CLSTN2: variants seen among roughly 807,000 people sequenced by gnomAD.
The protein encoded by CLSTN2 is calsyntenin 2.
CLSTN2 carries 48 observed loss-of-function variants against 101.2 expected under a neutral mutation model. The ratio of observed to expected loss-of-function variants is 0.47; its 90% CI spans 0.38 to 0.60. The LOEUF is 0.60. Among genes scored for constraint, CLSTN2 ranks in the 20% least tolerant of loss-of-function variants. CLSTN2 has a pLI of 0.00. For synonymous variants in CLSTN2, 481 were observed against 463.6 expected, an observed-to-expected ratio of 1.04 and a Z score of -0.48; for missense variants, 1,160 against 1,238.2, an observed-to-expected ratio of 0.94 and a Z score of 0.95.
intron 2 of CLSTN2, among the ~76,000 whole-genome samples, chr3:140,246,447 G>A (rs4613416): frequency 0.97 from 147,296 of 152,188 alleles, 71,453 homozygotes; most frequent in East Asian, 1. Flanking sequence ...TGAAGGAATC[G>A]GACATATGTG....
chr3:140,098,031 A>G (rs1193460020), intron 1 of CLSTN2, among the ~76,000 whole-genome samples: 1 of 152,182 alleles, frequency 6.6e-6, no homozygotes, highest in Non-Finnish European at 1.5e-5. Flanking sequence ...CATTGGGGAG[A>G]TAATACAAGC....
At chr3:140,158,280 A>G (rs1028731862) in intron 1 of CLSTN2, among the ~76,000 whole-genome samples, 6 of 152,208 alleles carry the variant, frequency 3.9e-5, no homozygotes, top group Non-Finnish European at 7.3e-5. Flanking sequence ...TTCACTGATG[A>G]TATGATTATA....
chr3:140,268,258 G>A (rs954775973), intron 2 of CLSTN2, among the ~76,000 whole-genome samples: 1 of 152,156 alleles, frequency 6.6e-6, no homozygotes, highest in African/African-American at 2.4e-5. Flanking sequence ...TGGGCCAGGA[G>A]TACGTAGAGA....
chr3:140,248,549 A>T (rs569981657), intron 2 of CLSTN2, among the ~76,000 whole-genome samples: 2 of 152,144 alleles, frequency 1.3e-5, no homozygotes, highest in Non-Finnish European at 2.9e-5. Flanking sequence ...ATGTGCACCT[A>T]GGAAGACAAT....
chr3:140,292,540 A>G (rs935945690), intron 2 of CLSTN2, among the ~76,000 whole-genome samples: 1 of 152,174 alleles, frequency 6.6e-6, no homozygotes, highest in African/African-American at 2.4e-5. Context: ...ACCTTTACCC[A>G]TAAGCTGCAA....
intron 1 of CLSTN2, among the ~76,000 whole-genome samples, chr3:140,085,439 T>A (rs1349894120): frequency 6.6e-6 from 1 of 152,148 alleles, no homozygotes; most frequent in Non-Finnish European, 1.5e-5. Context: ...TAGGGACATT[T>A]CTCCAAGTCT....
chr3:140,228,116 T>A (rs1399792928), intron 2 of CLSTN2, among the ~76,000 whole-genome samples: 5 of 152,222 alleles, frequency 3.3e-5, no homozygotes, highest in Non-Finnish European at 7.3e-5. Context: ...TTCTTCTCTA[T>A]CTCATTGTCA....
intron 1 of CLSTN2, among the ~76,000 whole-genome samples, chr3:140,118,871 T>C (rs2009291121): frequency 6.6e-6 from 1 of 152,204 alleles, no homozygotes; most frequent in African/African-American, 2.4e-5. Context: ...TATTATCACT[T>C]CATTTACTAA....
chr3:140,302,753 G>A (rs905847254), intron 2 of CLSTN2, among the ~76,000 whole-genome samples: 3 of 152,194 alleles, frequency 2.0e-5, no homozygotes, highest in Admixed American at 2.0e-4. Flanking sequence ...TGAGGCAAGT[G>A]TATAGAACAG....
intron 1 of CLSTN2, among the ~76,000 whole-genome samples, chr3:140,019,382 G>A (rs1406803456): frequency 3.9e-5 from 6 of 152,182 alleles, no homozygotes; most frequent in Non-Finnish European, 5.9e-5. Flanking sequence ...GGGTAAGAAG[G>A]ACTCCTGCCA....
At chr3:140,285,563 G>T in intron 2 of CLSTN2, among the ~76,000 whole-genome samples, 1 of 152,138 alleles carries the variant, frequency 6.6e-6, no homozygotes. Flanking sequence ...CACTAGAACA[G>T]TGGTTTTGAA....
chr3:140,271,040 T>C (rs1328296178), intron 2 of CLSTN2, among the ~76,000 whole-genome samples: 1 of 152,184 alleles, frequency 6.6e-6, no homozygotes, highest in Non-Finnish European at 1.5e-5. Context: ...GATAATTCTT[T>C]AGCGGCGTCT....
At chr3:140,292,187 A>G (rs921145402) in intron 2 of CLSTN2, among the ~76,000 whole-genome samples, 2 of 152,028 alleles carry the variant, frequency 1.3e-5, no homozygotes, top group Admixed American at 6.6e-5. Flanking sequence ...CTTGCTCAGG[A>G]CACCCAAACC....
chr3:140,552,798 A>G (rs1935728508), intron 10 of CLSTN2, among the ~76,000 whole-genome samples: 1 of 152,156 alleles, frequency 6.6e-6, no homozygotes, highest in East Asian at 1.9e-4. Flanking sequence ...GGTGCTCACA[A>G]TCTGCTGGAG....
rs1354025862 is a variant in CLSTN2, at chr3:140,251,195, T to C, written c.232+75122T>C. On this transcript the variant is annotated intron_variant, in intron 2 of 16. Coordinates refer to ENST00000458420, the MANE Select transcript of CLSTN2 (RefSeq NM_022131.3). Reference sequence around the variant, plus strand: ...TTTGTGGAGAGAAGGGAGGAATGAATGAGTGATGTTGCCAGATAGTGACTT... The same window carrying C: ...TTTGTGGAGAGAAGGGAGGAATGAACGAGTGATGTTGCCAGATAGTGACTT... 2.0e-5 allele frequency among the ~76,000 whole-genome samples: 3 copies of C among 152,288 alleles called. No individual in the cohort carries two copies. In the East Asian group the frequency reaches 5.8e-4, roughly 29 times the overall value.
intron 1 of CLSTN2, among the ~76,000 whole-genome samples, chr3:139,954,293 G>T (rs1220008611): frequency 6.6e-6 from 1 of 152,184 alleles, no homozygotes; most frequent in Non-Finnish European, 1.5e-5. Flanking sequence ...TGTGAGGTTT[G>T]TGGGGCATTT....
At chr3:140,276,370 C>G (rs1032013667) in intron 2 of CLSTN2, among the ~76,000 whole-genome samples, 3 of 152,164 alleles carry the variant, frequency 2.0e-5, no homozygotes, top group Admixed American at 6.5e-5. Context: ...ACCCTCTTGG[C>G]TCACCTTAGA....
chr3:140,145,410 C>T (rs1265417337), intron 1 of CLSTN2, among the ~76,000 whole-genome samples: 7 of 152,218 alleles, frequency 4.6e-5, no homozygotes, highest in East Asian at 1.9e-4. Context: ...GCACTCCGCC[C>T]GGCACACATG....
intron 1 of CLSTN2, among the ~76,000 whole-genome samples, chr3:139,978,481 A>C (rs1240337766): frequency 1.3e-5 from 2 of 152,332 alleles, no homozygotes; most frequent in Non-Finnish European, 1.5e-5. Flanking sequence ...GATGATTATT[A>C]AGTTTGGAAA....
Sources: allele counts gnomAD v4.1 joint callset (sites outside exome capture counted in the v4.1 genomes callset), GRCh38; gene constraint gnomAD v4.1.1; transcripts MANE v1.5; gene names NCBI Gene and HGNC (gene_info 2026-07-23, HGNC 2026-07-21).